The following ZFHX3 variants were observed in gnomAD, a reference collection of about 807,000 sequenced individuals.
The protein encoded by ZFHX3 is zinc finger homeobox protein 3.
A neutral mutation model predicts 279.1 loss-of-function variants in ZFHX3; 42 were observed. The observed-to-expected ratio is 0.15, with a 90% CI of 0.12 to 0.19. The LOEUF is 0.19. ZFHX3 is among the 10% of genes least tolerant of loss of function. ZFHX3 has a pLI of 1.00. For synonymous variants in ZFHX3, 2,293 were observed against 1,957.8 expected (o/e 1.17, Z -4.52); for missense variants, 4,981 against 4,754.0 (o/e 1.05, Z -1.40).
intron 1 of ZFHX3, among the ~76,000 whole-genome samples, chr16:73,773,945 C>T (rs1293835675): frequency 6.6e-6 from 1 of 152,024 alleles, no homozygotes; most frequent in East Asian, 1.9e-4. Flanking sequence ...CCAGACTAAC[C>T]TGGGCAACAT....
intron 2 of ZFHX3, among the ~76,000 whole-genome samples, chr16:73,511,245 C>G (rs1311721871): frequency 2.0e-5 from 3 of 152,198 alleles, no homozygotes; most frequent in Non-Finnish European, 4.4e-5. Context: ...ATAGCAGTGG[C>G]CAACTCAACA....
At chr16:72,964,857 G>A (rs6416745) in intron 1 of ZFHX3, among the ~76,000 whole-genome samples, 134,286 of 152,074 alleles carry the variant, frequency 0.88, 59,651 homozygotes, top group Non-Finnish European at 0.92. Flanking sequence ...TATGCAGCCT[G>A]ACTGACAAAC....
chr16:73,848,387 T>C (rs747713292), intron 1 of ZFHX3, among the ~76,000 whole-genome samples: 1 of 151,646 alleles, frequency 6.6e-6, no homozygotes, highest in African/African-American at 2.4e-5. Context: ...CGTTACTTGA[T>C]ATCTAATAGA....
At chr16:73,738,689 G>A (rs1454345542) in intron 1 of ZFHX3, among the ~76,000 whole-genome samples, 11 of 152,156 alleles carry the variant, frequency 7.2e-5, no homozygotes, top group African/African-American at 9.7e-5. Context: ...TAGAACTCTC[G>A]TGAAGGTTGC....
At chr16:73,327,344 A>G (rs1056489128) in intron 3 of ZFHX3, among the ~76,000 whole-genome samples, 10 of 152,196 alleles carry the variant, frequency 6.6e-5, no homozygotes, top group African/African-American at 2.4e-4. Context: ...CCATGAGACC[A>G]GGTATGATGA....
intron 1 of ZFHX3, among the ~76,000 whole-genome samples, chr16:73,696,051 G>C (rs975155492): frequency 3.9e-5 from 6 of 152,146 alleles, no homozygotes; most frequent in Non-Finnish European, 8.8e-5. Context: ...AAACCCACTG[G>C]GGACTCTGAG....
chr16:73,216,885 G>A (rs900509145), intron 5 of ZFHX3, among the ~76,000 whole-genome samples: 1 of 152,142 alleles, frequency 6.6e-6, no homozygotes, highest in African/African-American at 2.4e-5. Context: ...CCTGAACAAC[G>A]GTCTGGGTTT....
intron 7 of ZFHX3, among the ~76,000 whole-genome samples, chr16:73,130,552 T>A (rs756668344): frequency 5.9e-5 from 9 of 152,232 alleles, no homozygotes; most frequent in Non-Finnish European, 1.2e-4. Flanking sequence ...TAAAACATGA[T>A]GTTCATTACT....
At chr16:73,302,030 C>A (rs980226732) in intron 4 of ZFHX3, among the ~76,000 whole-genome samples, 2 of 152,076 alleles carry the variant, frequency 1.3e-5, no homozygotes, top group East Asian at 1.9e-4. Context: ...ACCCTCTTCT[C>A]ATTCCAGGTA....
At chr16:73,256,524 T>C (rs533771620) in intron 5 of ZFHX3, among the ~76,000 whole-genome samples, 1 of 152,330 alleles carries the variant, frequency 6.6e-6, no homozygotes, top group South Asian at 2.1e-4. Context: ...CCTCAGAGAT[T>C]CTGACTTGGT....
At chr16:73,129,543 T>C in intron 7 of ZFHX3, among the ~76,000 whole-genome samples, 1 of 152,010 alleles carries the variant, frequency 6.6e-6, no homozygotes, top group East Asian at 1.9e-4. Context: ...GCTTGTCAAA[T>C]GCTGGTTGCT....
chr16:73,783,127 G>C (rs551025504), intron 1 of ZFHX3, among the ~76,000 whole-genome samples: 5 of 152,290 alleles, frequency 3.3e-5, no homozygotes, highest in African/African-American at 1.2e-4. Flanking sequence ...GCTGCCCGGA[G>C]AGTTGGCTTT....
At chr16:73,116,237 C>A (rs941036818) in intron 7 of ZFHX3, among the ~76,000 whole-genome samples, 1 of 152,078 alleles carries the variant, frequency 6.6e-6, no homozygotes, top group African/African-American at 2.4e-5. Context: ...CAGATGAAAT[C>A]CACGTACTCC....
chr16:72,875,284 G>C (rs1438097269), intron 4 of ZFHX3, among the ~76,000 whole-genome samples: 1 of 152,234 alleles, frequency 6.6e-6, no homozygotes, highest in African/African-American at 2.4e-5. Flanking sequence ...GATACCTGCA[G>C]ACTGGGGGCA....
chr16:73,709,757 G>T (rs2053339651), intron 1 of ZFHX3, among the ~76,000 whole-genome samples: 1 of 152,122 alleles, frequency 6.6e-6, no homozygotes, highest in South Asian at 2.1e-4. Flanking sequence ...ATTGCCAAAA[G>T]AGTCGATTTT....
intron 3 of ZFHX3, among the ~76,000 whole-genome samples, chr16:73,392,136 A>T (rs1421765709): frequency 3.9e-5 from 6 of 151,930 alleles, no homozygotes; most frequent in Admixed American, 3.9e-4. Flanking sequence ...AAACAGCAGC[A>T]AGGCCAGGCG....
At chr16:73,130,437 C>A (rs530627062) in intron 7 of ZFHX3, among the ~76,000 whole-genome samples, 1 of 152,152 alleles carries the variant, frequency 6.6e-6, no homozygotes, top group South Asian at 2.1e-4. Context: ...CACTCTTCTC[C>A]GAGAGGGTCT....
At chr16:73,740,698 T>C (rs1019703774) in intron 1 of ZFHX3, among the ~76,000 whole-genome samples, 10 of 152,206 alleles carry the variant, frequency 6.6e-5, no homozygotes, top group African/African-American at 2.4e-4. Context: ...GCTGTTGCTC[T>C]TCTCTTGGGG....
At position 73,859,874 on chromosome 16, in the gene ZFHX3, A is replaced by G. The variant is rs1961835021; in HGVS notation, c.-1608+31777T>C. 2.0e-5 allele frequency among the ~76,000 whole-genome samples: 3 copies of G among 152,336 alleles called. No homozygotes were observed. In the East Asian group the frequency reaches 5.8e-4, roughly 29 times the overall value. The stretch of plus-strand genomic sequence containing the variant: ...CACGGTACTGTTTATTTGGAAATGA[A>G]GATAACATCCGACGAAGTAAAAGCA... On this transcript the variant is annotated intron_variant, in intron 1 of 17. Coordinates refer to the ZFHX3 transcript ENST00000641206.
Sources: gnomAD v4.1 joint callset for allele counts (sites outside exome capture counted in the v4.1 genomes callset) on GRCh38, gnomAD v4.1.1 for gene constraint, MANE v1.5 for transcripts, NCBI Gene and HGNC (gene_info 2026-07-23, HGNC 2026-07-21) for gene names.